WWOX: variants seen among roughly 807,000 people sequenced by gnomAD.
WWOX encodes the protein WW domain containing oxidoreductase.
Under a neutral mutation model 46.2 loss-of-function variants are expected in WWOX, and 69 were observed. That is an observed-to-expected ratio of 1.49 (90% confidence interval 1.23 to 1.82). The LOEUF (loss-of-function observed/expected upper bound fraction) is 1.82, where lower values mean the gene tolerates loss of function less well. Ranked by LOEUF, WWOX falls within the 40% of genes most tolerant of loss-of-function variation. WWOX has a pLI of 0.00. For missense variants in WWOX, 919 were observed against 542.6 expected, an observed-to-expected ratio of 1.69 and a Z score of -6.89; for synonymous variants, 359 against 202.6, an observed-to-expected ratio of 1.77 and a Z score of -6.56.
intron 5 of WWOX, among the ~76,000 whole-genome samples, chr16:78,236,098 C>T (rs1453944397): frequency 6.6e-6 from 1 of 152,284 alleles, no homozygotes; most frequent in Non-Finnish European, 1.5e-5. Context: ...CAGATTCAGC[C>T]CGTGGGCCAT....
In WWOX at chr16:78,708,906, G is replaced by C. The variant is rs116819077; in HGVS notation, c.1056+276154G>C. ...CTGGTTGTTGACTGATGTGTTTCAA[G>C]AGTAAGTCAGAAAAATAAAAAGAAG... On this transcript the variant is annotated intron_variant, in intron 8 of 8. Transcript: ENST00000566780. Among the ~76,000 whole-genome samples the C allele has an allele frequency of 3.9e-3, 601 of 152,290 alleles. 2 individuals are homozygous for C. The highest frequency in any genetic ancestry group is 0.014 in the African/African-American group (576 of 41,558).
intron 8 of WWOX, among the ~76,000 whole-genome samples, chr16:78,769,942 G>A (rs1232777566): frequency 6.6e-6 from 1 of 152,120 alleles, no homozygotes; most frequent in Non-Finnish European, 1.5e-5. Context: ...TACTTGGCAG[G>A]CTGAAGCAGG....
intron 8 of WWOX, among the ~76,000 whole-genome samples, chr16:78,756,297 G>A (rs568908463): frequency 6.6e-6 from 1 of 151,984 alleles, no homozygotes; most frequent in Admixed American, 6.5e-5. Flanking sequence ...TCAAAACTGG[G>A]TTTATCTAAT....
intron 5 of WWOX, among the ~76,000 whole-genome samples, chr16:78,323,441 A>G (rs560090697): frequency 6.6e-6 from 1 of 152,230 alleles, no homozygotes; most frequent in Non-Finnish European, 1.5e-5. Flanking sequence ...ACAGTAAGCA[A>G]GCAAGGCTCA....
chr16:78,782,700 G>A (rs1443839299), intron 8 of WWOX, among the ~76,000 whole-genome samples: 1 of 117,830 alleles, frequency 8.5e-6, no homozygotes, highest in African/African-American at 3.3e-5. Flanking sequence ...TTCCAATTGT[G>A]ATCATACTAT....
chr16:78,579,298 A>G (rs771082277), intron 8 of WWOX, among the ~76,000 whole-genome samples: 22 of 152,150 alleles, frequency 1.4e-4, no homozygotes, highest in African/African-American at 2.7e-4. Context: ...GTGTGACAGC[A>G]TATGTCGACG....
chr16:78,721,126 G>A (rs2048679414), intron 8 of WWOX, among the ~76,000 whole-genome samples: 1 of 152,138 alleles, frequency 6.6e-6, no homozygotes, highest in Admixed American at 6.5e-5. Flanking sequence ...TCCATAAACT[G>A]TTTTTCATGA....
intron 8 of WWOX, chr16:78,996,150 A>T: frequency 1.1e-6 from 1 of 878,120 alleles, no homozygotes. Context: ...TCTTTTTTTT[A>T]ATTTTTTTTT....
intron 8 of WWOX, among the ~76,000 whole-genome samples, chr16:79,076,104 A>C (rs1305610502): frequency 6.6e-6 from 1 of 152,210 alleles, no homozygotes; most frequent in Admixed American, 6.5e-5. Flanking sequence ...TACATTGCCG[A>C]GATTTGTAAG....
intron 8 of WWOX, among the ~76,000 whole-genome samples, chr16:78,577,411 T>C (rs893527695): frequency 6.6e-5 from 10 of 152,120 alleles, no homozygotes; most frequent in African/African-American, 2.4e-4. Context: ...ACTGCGGCCA[T>C]GAGTAAAGGG....
intron 8 of WWOX, among the ~76,000 whole-genome samples, chr16:78,876,750 AG>A (rs1452987427): frequency 6.6e-6 from 1 of 152,228 alleles, no homozygotes; most frequent in Non-Finnish European, 1.5e-5. Flanking sequence ...ATTAACTAAA[AG>A]AAGATTAACC....
chr16:78,643,468 C>G (rs1567458816), intron 8 of WWOX, among the ~76,000 whole-genome samples: 2 of 152,076 alleles, frequency 1.3e-5, no homozygotes, highest in South Asian at 2.1e-4. Context: ...ACCAAGTCAC[C>G]CATGAGTAGC....
At chr16:78,516,578 G>A (rs902398354) in intron 8 of WWOX, among the ~76,000 whole-genome samples, 1 of 152,070 alleles carries the variant, frequency 6.6e-6, no homozygotes, top group East Asian at 1.9e-4. Flanking sequence ...TGCATACTTG[G>A]CCTGTTTCTA....
chr16:79,091,081 C>A (rs764171631), intron 8 of WWOX, among the ~76,000 whole-genome samples: 2 of 152,168 alleles, frequency 1.3e-5, no homozygotes, highest in South Asian at 4.1e-4. Flanking sequence ...AGCCACCGCT[C>A]CAGGCCTAGA....
At chr16:78,136,500 A>T (rs991875053) in intron 4 of WWOX, among the ~76,000 whole-genome samples, 1 of 152,168 alleles carries the variant, frequency 6.6e-6, no homozygotes, top group African/African-American at 2.4e-5. Context: ...AGCTCTTTCA[A>T]ATCTAGAGGA....
chr16:78,946,607 G>C (rs892257969), intron 8 of WWOX, among the ~76,000 whole-genome samples: 1 of 152,166 alleles, frequency 6.6e-6, no homozygotes, highest in African/African-American at 2.4e-5. Flanking sequence ...GGAAGACAGA[G>C]TTTCTTTCTG....
intron 8 of WWOX, among the ~76,000 whole-genome samples, chr16:78,522,176 T>C (rs1490367183): frequency 1.3e-5 from 2 of 151,658 alleles, no homozygotes; most frequent in Admixed American, 1.3e-4. Context: ...AGAAGCTGAT[T>C]TGAGATTTAT....
chr16:78,747,845 G>A lies in WWOX; in HGVS notation c.1056+315093G>A, dbSNP rs142114143. ...TGTCTCCAAGCTGCTCCATGATCAAGGATAAACTATAATCTTTCTCTCTGC... is the reference window on the plus strand; with the variant it reads ...TGTCTCCAAGCTGCTCCATGATCAAAGATAAACTATAATCTTTCTCTCTGC... On this transcript the variant is annotated intron_variant, in intron 8 of 8. Coordinates refer to ENST00000566780, the MANE Select transcript of WWOX (RefSeq NM_016373.4). Among the ~76,000 whole-genome samples, 282 of 152,240 alleles carry A rather than the reference G, an allele frequency of 1.9e-3. 1 individual carries two copies. The highest frequency in any genetic ancestry group is 6.2e-3 in the African/African-American group (259 of 41,540).
chr16:78,667,798 C>T (rs17722137), intron 8 of WWOX, among the ~76,000 whole-genome samples: 4,024 of 152,068 alleles, frequency 0.026, 56 homozygotes, highest in East Asian at 0.065. Context: ...GTCTTTCTCT[C>T]GCATCAGCTT....
Sources: allele counts gnomAD v4.1 joint callset (sites outside exome capture counted in the v4.1 genomes callset), GRCh38; gene constraint gnomAD v4.1.1; transcripts MANE v1.5; gene names NCBI Gene and HGNC (gene_info 2026-07-23, HGNC 2026-07-21).